The following CUL1 variants were observed in gnomAD, a reference collection of about 807,000 sequenced individuals.
CUL1 encodes the protein cullin-1.
In CUL1, 24 loss-of-function variants were observed where a neutral mutation model predicts 118.0. The ratio of observed to expected loss-of-function variants is 0.20; its 90% CI spans 0.15 to 0.29. The LOEUF (loss-of-function observed/expected upper bound fraction) is 0.29. CUL1 is among the 10% of genes least tolerant of loss of function. The pLI is 1.00. For synonymous variants in CUL1, 332 were observed against 340.4 expected (o/e 0.98, Z 0.27); for missense variants, 361 against 933.8 (o/e 0.39, Z 7.99).
chr7:148,778,206 C>T (rs1468164090), intron 9 of CUL1, among the ~76,000 whole-genome samples: 1 of 150,406 alleles, frequency 6.6e-6, no homozygotes, highest in East Asian at 2.0e-4. Flanking sequence ...TTGGTTTCTG[C>T]TTATTGAAAG....
chr7:148,753,065 C>T (rs1265668164), intron 2 of CUL1, among the ~76,000 whole-genome samples: 4 of 152,184 alleles, frequency 2.6e-5, no homozygotes, highest in African/African-American at 4.8e-5. Context: ...TATTTTAAAT[C>T]TTAATCCATT....
At chr7:148,780,211 A>G (rs118043409) in intron 9 of CUL1, among the ~76,000 whole-genome samples, 5,669 of 152,316 alleles carry the variant, frequency 0.037, 138 homozygotes, top group Non-Finnish European at 0.055. Flanking sequence ...GTCGTGGTTC[A>G]GATAGTGATA....
chr7:148,769,341 C>A (rs1489649587), intron 9 of CUL1, among the ~76,000 whole-genome samples: 2 of 149,382 alleles, frequency 1.3e-5, no homozygotes, highest in African/African-American at 2.5e-5. Context: ...TTCAAAATTA[C>A]CCTTCAGTTT....
chr7:148,708,195 A>C (rs1388065271), intron 1 of CUL1, among the ~76,000 whole-genome samples: 1 of 152,186 alleles, frequency 6.6e-6, no homozygotes, highest in Non-Finnish European at 1.5e-5. Flanking sequence ...CAGCAACTTC[A>C]GCTGAGAGCC....
At chr7:148,706,063 C>T (rs140567610) in intron 1 of CUL1, among the ~76,000 whole-genome samples, 23 of 152,276 alleles carry the variant, frequency 1.5e-4, no homozygotes, top group African/African-American at 5.1e-4. Flanking sequence ...GGTCAACATG[C>T]AGGTGCACAA....
At chr7:148,704,964 T>TA (rs1314748895) in intron 1 of CUL1, among the ~76,000 whole-genome samples, 5 of 152,228 alleles carry the variant, frequency 3.3e-5, no homozygotes, top group Non-Finnish European at 5.9e-5. Context: ...TGAAATCACT[T>TA]AGTGTTTGCC....
At chr7:148,699,517 C>A (rs956272342) in intron 1 of CUL1, among the ~76,000 whole-genome samples, 1 of 152,136 alleles carries the variant, frequency 6.6e-6, no homozygotes, top group Non-Finnish European at 1.5e-5. Flanking sequence ...GCGCTGCTTT[C>A]CGGCCGACGC....
intron 2 of CUL1, among the ~76,000 whole-genome samples, chr7:148,741,933 T>G (rs550068647): frequency 6.6e-6 from 1 of 152,252 alleles, no homozygotes; most frequent in Non-Finnish European, 1.5e-5. Flanking sequence ...TGAAGTAGTA[T>G]CTCATTGTGG....
At chr7:148,765,396 G>A (rs1234399230) in intron 7 of CUL1, among the ~76,000 whole-genome samples, 4 of 152,186 alleles carry the variant, frequency 2.6e-5, no homozygotes, top group African/African-American at 7.2e-5. Flanking sequence ...TTGGGAAGCC[G>A]AGGCAGGAGA....
chr7:148,758,835 G>C (rs1799742982), intron 4 of CUL1, among the ~76,000 whole-genome samples: 1 of 152,086 alleles, frequency 6.6e-6, no homozygotes, highest in Non-Finnish European at 1.5e-5. Flanking sequence ...ACAAAAATGT[G>C]TACACCATGC....
chr7:148,710,425 C>T (rs1286179137), intron 1 of CUL1, among the ~76,000 whole-genome samples: 1 of 152,040 alleles, frequency 6.6e-6, no homozygotes, highest in Non-Finnish European at 1.5e-5. Flanking sequence ...CAAAATTAGC[C>T]AGGCATGGTG....
chr7:148,713,485 A>G (rs1028591169), intron 1 of CUL1, among the ~76,000 whole-genome samples: 1 of 152,206 alleles, frequency 6.6e-6, no homozygotes, highest in Non-Finnish European at 1.5e-5. Flanking sequence ...TTCATTTCTG[A>G]ATTGAGCAAT....
chr7:148,728,717 A>G (rs1211053391), intron 1 of CUL1, among the ~76,000 whole-genome samples: 1 of 152,264 alleles, frequency 6.6e-6, no homozygotes, highest in African/African-American at 2.4e-5. Flanking sequence ...TTCATAAAAT[A>G]TTAAGACCCA....
intron 2 of CUL1, among the ~76,000 whole-genome samples, chr7:148,741,324 A>G (rs867472537): frequency 1.3e-5 from 2 of 152,362 alleles, no homozygotes; most frequent in African/African-American, 4.8e-5. Flanking sequence ...CAGAACTGCC[A>G]AATTATTTTC....
intron 1 of CUL1, among the ~76,000 whole-genome samples, chr7:148,725,219 G>GCGCGCGCGCACACA: frequency 2.9e-4 from 41 of 140,150 alleles, no homozygotes; most frequent in South Asian, 7.2e-4. Context: ...ACACGCGCGC[G>GCGCGCGCGCACACA]CTCACACACA....
At position 148,798,055 on chromosome 7, in the gene CUL1, A is replaced by G. The variant is rs746271768; in HGVS notation, c.2030+36A>G. ...TCTAATAAGTAGATGGCCCTTGACC[A>G]TAGACACGTCCCCCGGGAGCCCTAG... On this transcript the variant is annotated intron_variant, in intron 19 of 21. Transcript: ENST00000325222. The G allele has an allele frequency of 6.3e-6, 8 of 1,261,400 alleles. No homozygotes were observed. The Admixed American group carries it at 1.2e-4, about 20-fold the overall frequency. The allele number at this position is 1,261,400 out of a possible 1,614,324, so 78.1% of individuals were successfully genotyped here. A position where few individuals can be genotyped will look rare whatever the true frequency, so the allele number is the denominator to read the frequency against.
rs977467053 is a variant in CUL1, at chr7:148,742,629, C to T, written c.141-11347C>T. 2.3e-4 allele frequency among the ~76,000 whole-genome samples: 22 copies of T among 94,680 alleles called. 1 individual carries two copies. Among genetic ancestry groups the T allele is most frequent in the African/African-American group, 6.4e-4 (20 of 31,402 alleles). The allele number at this position is 94,680 out of a possible 152,430, so 62.1% of individuals were successfully genotyped here. A position where few individuals can be genotyped will look rare whatever the true frequency, so the allele number is the denominator to read the frequency against. On this transcript the variant is annotated intron_variant, in intron 2 of 21. Transcript: ENST00000325222. ...TTTTTTTTTTTTTGAGTTGGAGTCT[C>T]ACTCACTCTGTTGCCCAGGCTGGAG... is the stretch of plus-strand genomic sequence containing the variant.
chr7:148,791,064 T>C (rs566156880), intron 16 of CUL1, among the ~76,000 whole-genome samples: 1 of 152,328 alleles, frequency 6.6e-6, no homozygotes, highest in Non-Finnish European at 1.5e-5. Context: ...CTCACGCTTG[T>C]AATCCTCACG....
At chr7:148,741,474 C>G (rs1799136342) in intron 2 of CUL1, among the ~76,000 whole-genome samples, 1 of 152,200 alleles carries the variant, frequency 6.6e-6, no homozygotes, top group Non-Finnish European at 1.5e-5. Flanking sequence ...CAGAGTCTTG[C>G]TGTAATTCAG....
Sources: allele counts gnomAD v4.1 joint callset (sites outside exome capture counted in the v4.1 genomes callset), GRCh38; gene constraint gnomAD v4.1.1; transcripts MANE v1.5; gene names NCBI Gene and HGNC (gene_info 2026-07-23, HGNC 2026-07-21).